Variants in C3orf70 observed in about 807,000 individuals in gnomAD.
The protein encoded by C3orf70 is UPF0524 protein C3orf70.
C3orf70 carries 15 observed loss-of-function variants against 20.7 expected under a neutral mutation model. That is an observed-to-expected ratio of 0.72 (90% CI 0.48 to 1.11). The LOEUF is 1.11. C3orf70 is among the 50% of genes most tolerant of loss of function. C3orf70 has a pLI of 0.00. For missense variants in C3orf70, 332 were observed against 317.6 expected (o/e 1.05, Z -0.34); for synonymous variants, 161 against 125.7 (o/e 1.28, Z -1.88).
chr3:185,096,569 T>C (rs1008245006), intron 1 of C3orf70, among the ~76,000 whole-genome samples: 3 of 152,216 alleles, frequency 2.0e-5, no homozygotes, highest in African/African-American at 4.8e-5. Flanking sequence ...TGCTTTACAG[T>C]GAACGTGATG....
chr3:185,134,575 A>C (rs780653365), intron 1 of C3orf70, among the ~76,000 whole-genome samples: 5 of 152,202 alleles, frequency 3.3e-5, no homozygotes, highest in Non-Finnish European at 7.3e-5. Context: ...CAGACAAAAG[A>C]AGCCCTAAAA....
At chr3:185,135,380 G>A (rs182869829) in intron 1 of C3orf70, among the ~76,000 whole-genome samples, 1 of 152,280 alleles carries the variant, frequency 6.6e-6, no homozygotes, top group Admixed American at 6.5e-5. Context: ...CAGCATTTTG[G>A]GAGGCTGAGG....
intron 1 of C3orf70, among the ~76,000 whole-genome samples, chr3:185,089,758 AAACC>A (rs1715527057): frequency 6.6e-6 from 1 of 152,196 alleles, no homozygotes; most frequent in African/African-American, 2.4e-5. Flanking sequence ...ACTAACACAA[AAACC>A]AACTGTGACC....
At position 185,080,297 on chromosome 3, in the gene C3orf70, C is replaced by T. The variant is rs1715304247; in HGVS notation, c.*2710G>A. Reference sequence around the variant, plus strand: ...CAACTATTATTAAATCCAAAAATTCCATTAAAATTGTGTCTAATCAGAATG... The same window carrying T: ...CAACTATTATTAAATCCAAAAATTCTATTAAAATTGTGTCTAATCAGAATG... On this transcript the variant is annotated 3_prime_UTR_variant, in exon 2 of 2. Transcript: ENST00000335012. The T allele has an allele frequency of 2.6e-5, 4 of 152,556 alleles. No homozygotes were observed. In the South Asian group the frequency reaches 8.3e-4, roughly 32 times the overall value. 9.5% of individuals were successfully genotyped at this position (152,556 alleles called of 1,614,324 possible). A position where few individuals can be genotyped will look rare whatever the true frequency, so the allele number is the denominator to read the frequency against.
intron 1 of C3orf70, among the ~76,000 whole-genome samples, chr3:185,091,102 C>A (rs1715560383): frequency 6.6e-6 from 1 of 151,536 alleles, no homozygotes; most frequent in Non-Finnish European, 1.5e-5. Context: ...TGTAGTCATG[C>A]TTCTATAGGA....
chr3:185,078,030 ACT>A lies in C3orf70; in HGVS notation c.*4975_*4976del, dbSNP rs995119441. 4.6e-5 allele frequency: 7 copies of A among 152,414 alleles called. No individual in the cohort carries two copies. The highest frequency in any genetic ancestry group is 1.7e-4 in the African/African-American group (7 of 41,434). 9.4% of individuals were successfully genotyped at this position (152,414 alleles called of 1,614,324 possible). ...GAGTTTTGGTTTTGGGGTTGGGTACACTCCAAAACAGCAGATTTGTTCTGGTA... is the reference window on the plus strand; with the variant it reads ...GAGTTTTGGTTTTGGGGTTGGGTACACCAAAACAGCAGATTTGTTCTGGTA... On this transcript the variant is annotated 3_prime_UTR_variant, in exon 2 of 2. Transcript: ENST00000335012.
chr3:185,113,188 T>C (rs150216624), intron 1 of C3orf70, among the ~76,000 whole-genome samples: 2,466 of 150,912 alleles, frequency 0.016, 69 homozygotes, highest in African/African-American at 0.057. Context: ...CTCAAGCCTG[T>C]AATCTCAGCA....
intron 1 of C3orf70, among the ~76,000 whole-genome samples, chr3:185,149,269 G>A (rs927862215): frequency 3.3e-5 from 5 of 151,932 alleles, no homozygotes; most frequent in African/African-American, 1.2e-4. Context: ...GTGCATGCCT[G>A]TAATTCCAGC....
intron 1 of C3orf70, among the ~76,000 whole-genome samples, chr3:185,131,190 T>C (rs934317632): frequency 2.9e-4 from 44 of 152,220 alleles, no homozygotes; most frequent in African/African-American, 1.1e-3. Context: ...TAAAATGTAA[T>C]TCTTAAATGG....
At chr3:185,118,002 TCTC>T (rs981188914) in intron 1 of C3orf70, among the ~76,000 whole-genome samples, 7 of 152,192 alleles carry the variant, frequency 4.6e-5, no homozygotes, top group Admixed American at 2.6e-4. Context: ...ACCCTGGACT[TCTC>T]CTTCACTGCA....
intron 1 of C3orf70, among the ~76,000 whole-genome samples, chr3:185,096,272 C>T (rs1046761921): frequency 6.6e-6 from 1 of 152,090 alleles, no homozygotes; most frequent in African/African-American, 2.4e-5. Flanking sequence ...TTACAGGTAA[C>T]TAGTGTGTCT....
chr3:185,088,150 A>G (rs765467479), intron 1 of C3orf70, among the ~76,000 whole-genome samples: 45 of 152,216 alleles, frequency 3.0e-4, no homozygotes, highest in Non-Finnish European at 5.9e-4. Flanking sequence ...ACCTCAGGTG[A>G]TCCACCCGCC....
chr3:185,107,977 G>A (rs1281854175), intron 1 of C3orf70, among the ~76,000 whole-genome samples: 1 of 152,000 alleles, frequency 6.6e-6, no homozygotes, highest in East Asian at 1.9e-4. Flanking sequence ...AGATCAAATC[G>A]CTACTATGAT....
chr3:185,126,919 G>A (rs13074297), intron 1 of C3orf70, among the ~76,000 whole-genome samples: 14,214 of 152,174 alleles, frequency 0.093, 724 homozygotes, highest in South Asian at 0.18. Context: ...TGATAATCAC[G>A]TGATAAAAAT....
rs1210737202 is a variant in C3orf70, at chr3:185,134,065, T to G, written c.196+18563A>C. Among the ~76,000 whole-genome samples the G allele has an allele frequency of 2.7e-5, 4 of 145,630 alleles. No homozygotes were observed. In the East Asian group the frequency reaches 5.8e-4, roughly 21 times the overall value. ...GATTGTGCCACTGCACACTCCAGCC[T>G]GGGTGATACAGTGAGACTCTGTCTC... On this transcript the variant is annotated intron_variant, in intron 1 of 1. Coordinates refer to ENST00000335012, the MANE Select transcript of C3orf70 (RefSeq NM_001025266.3).
intron 1 of C3orf70, among the ~76,000 whole-genome samples, chr3:185,141,422 C>T (rs1716748007): frequency 6.6e-6 from 1 of 150,984 alleles, no homozygotes; most frequent in Admixed American, 6.6e-5. Context: ...ACATTTATAC[C>T]AGAGAAATGA....
rs958016777 is a variant in C3orf70, at chr3:185,081,096, G to A, written c.*1911C>T. 1 of 152,122 alleles carries A rather than the reference G, an allele frequency of 6.6e-6. No homozygotes were observed. The highest frequency in any genetic ancestry group is 2.4e-5 in the African/African-American group (1 of 41,418). The allele number at this position is 152,122 out of a possible 1,614,324, so 9.4% of individuals were successfully genotyped here. A position where few individuals can be genotyped will look rare whatever the true frequency, so the allele number is the denominator to read the frequency against. ...GAGTAGTTTGTGAATGATGCCAAAT[G>A]GAGGCTTCAGGGGAGAACACAACTT... On this transcript the variant is annotated 3_prime_UTR_variant, in exon 2 of 2. Coordinates refer to ENST00000335012, the MANE Select transcript of C3orf70 (RefSeq NM_001025266.3).
In C3orf70 at chr3:185,076,838, T is replaced by C. The variant is rs1363869783; in HGVS notation, c.*6169A>G. Among the ~76,000 whole-genome samples the C allele has an allele frequency of 6.6e-6, 1 of 152,186 alleles. No individual in the cohort carries two copies. Among genetic ancestry groups the C allele is most frequent in the African/African-American group, 2.4e-5 (1 of 41,438 alleles). ...CCCAGTGACTGAATTGTAATGAGGA[T>C]GAGATGCTAAATTAAAGTTTATTGC... On this transcript the variant is annotated 3_prime_UTR_variant, in exon 2 of 2. Transcript: ENST00000335012.
rs989092978 is a variant in C3orf70 at position 185,083,071 on chromosome 3, C to T, written c.689G>A (p.Cys230Tyr). 8.7e-6 allele frequency: 14 copies of T among 1,613,404 alleles called. No individual in the cohort carries two copies. The African/African-American group carries it at 9.4e-5, about 11-fold the overall frequency. The change falls in exon 2 of 2, where the codon TGC (cysteine) becomes TAC (tyrosine). Residue 230 changes from cysteine to tyrosine, a missense_variant. By Grantham distance (194) the Cys-to-Tyr change is radical. Coordinates refer to ENST00000335012, the MANE Select transcript of C3orf70 (RefSeq NM_001025266.3). ...SPESSWEPDE[C>Y]TLLSPSQSDL... ...AGACTGCGAGGGGGAGAGAAGGGTG[C>T]ACTCATCCGGTTCCCAGCTGCTCTC...
Sources: gnomAD v4.1 joint callset for allele counts (sites outside exome capture counted in the v4.1 genomes callset) on GRCh38, gnomAD v4.1.1 for gene constraint, MANE v1.5 for transcripts, NCBI Gene and HGNC (gene_info 2026-07-23, HGNC 2026-07-21) for gene names.